The following KLF17 variants were observed in gnomAD, a reference collection of about 807,000 sequenced individuals.
KLF17 encodes KLF transcription factor 17.
In KLF17, 31 loss-of-function variants were observed where a neutral mutation model predicts 34.2. The observed-to-expected ratio is 0.91, with a 90% CI of 0.68 to 1.22. The LOEUF (loss-of-function observed/expected upper bound fraction) is 1.22, where lower values mean the gene tolerates loss of function less well. KLF17 is among the 50% of genes most tolerant of loss of function. The pLI is 0.00. For synonymous variants in KLF17, 179 were observed against 186.7 expected (o/e 0.96, Z 0.34); for missense variants, 478 against 505.2 (o/e 0.95, Z 0.52).
At chr1:44,065,475 T>C in the KLF17 span, among the ~76,000 whole-genome samples, 1 of 148,386 alleles carries the variant, frequency 6.7e-6, no homozygotes, top group Admixed American at 6.8e-5. Flanking sequence ...AGTGGTGTGA[T>C]GTAGGCTCAT....
At chr1:44,095,648 A>G in the KLF17 span, among the ~76,000 whole-genome samples, 2 of 152,230 alleles carry the variant, frequency 1.3e-5, no homozygotes, top group African/African-American at 4.8e-5. Flanking sequence ...CCAATCCATG[A>G]ACATGGAATA....
chr1:44,113,421 T>A, the KLF17 span, among the ~76,000 whole-genome samples: 1 of 152,198 alleles, frequency 6.6e-6, no homozygotes, highest in Non-Finnish European at 1.5e-5. Context: ...TAACTACAGT[T>A]ACTGATGTAG....
At chr1:44,091,635 CAAAAA>C in the KLF17 span, among the ~76,000 whole-genome samples, 1 of 79,034 alleles carries the variant, frequency 1.3e-5, no homozygotes. Flanking sequence ...GACTCCATCT[CAAAAA>C]AAAAAAAAAA....
the KLF17 span, among the ~76,000 whole-genome samples, chr1:44,089,465 T>C: frequency 6.6e-6 from 1 of 152,172 alleles, no homozygotes; most frequent in East Asian, 1.9e-4. Flanking sequence ...CAGCTACGGA[T>C]TGCTGGGAAG....
chr1:44,112,514 T>A, the KLF17 span, among the ~76,000 whole-genome samples: 2 of 152,188 alleles, frequency 1.3e-5, no homozygotes, highest in Non-Finnish European at 2.9e-5. Context: ...CAAGCAATCC[T>A]CCCACCTTAG....
the KLF17 span, among the ~76,000 whole-genome samples, chr1:44,082,202 G>C: frequency 2.0e-5 from 3 of 152,124 alleles, no homozygotes; most frequent in Admixed American, 2.0e-4. Flanking sequence ...GATGAAATAA[G>C]TCCCAGTAAA....
chr1:44,126,960 ATCAC>A (rs2088014851), intron 1 of KLF17, among the ~76,000 whole-genome samples: 2 of 151,892 alleles, frequency 1.3e-5, no homozygotes, highest in Admixed American at 1.3e-4. Context: ...CAGTGATGCG[ATCAC>A]AGCTCGCTGC....
the KLF17 span, among the ~76,000 whole-genome samples, chr1:44,087,727 TATATA>T: frequency 1.6e-4 from 9 of 55,874 alleles, no homozygotes; most frequent in Non-Finnish European, 2.4e-4. Context: ...ATATATTTTA[TATATA>T]TATATATATA....
chr1:44,100,916 G>T, the KLF17 span, among the ~76,000 whole-genome samples: 1 of 152,144 alleles, frequency 6.6e-6, no homozygotes, highest in Non-Finnish European at 1.5e-5. Flanking sequence ...TTTTTAGGTT[G>T]ATATCTAACA....
At chr1:44,132,338 G>A (rs2088121537) in intron 3 of KLF17, among the ~76,000 whole-genome samples, 1 of 151,914 alleles carries the variant, frequency 6.6e-6, no homozygotes, top group African/African-American at 2.4e-5. Flanking sequence ...AGTGGAAAAT[G>A]GGAGATAGGT....
chr1:44,121,393 G>A (rs572007030), intron 1 of KLF17, among the ~76,000 whole-genome samples: 1 of 152,192 alleles, frequency 6.6e-6, no homozygotes, highest in Admixed American at 6.5e-5. Flanking sequence ...GGGATTACAG[G>A]CATGAGCCGC....
intron 1 of KLF17, among the ~76,000 whole-genome samples, chr1:44,121,671 T>C (rs892598445): frequency 2.6e-5 from 4 of 152,244 alleles, no homozygotes; most frequent in Non-Finnish European, 4.4e-5. Flanking sequence ...TGATAACATT[T>C]AGCTTTATCT....
chr1:44,128,566 C>G (rs2088056858), intron 1 of KLF17, among the ~76,000 whole-genome samples: 1 of 152,142 alleles, frequency 6.6e-6, no homozygotes, highest in Non-Finnish European at 1.5e-5. Context: ...CAGGCAGTTC[C>G]CACTCAGGGC....
the KLF17 span, among the ~76,000 whole-genome samples, chr1:44,092,835 A>T: frequency 6.6e-6 from 1 of 152,092 alleles, no homozygotes. Context: ...ATGTTACAAA[A>T]TTATACTTGT....
At chr1:44,121,102 T>A (rs1245060296) in intron 1 of KLF17, among the ~76,000 whole-genome samples, 1 of 152,168 alleles carries the variant, frequency 6.6e-6, no homozygotes, top group Non-Finnish European at 1.5e-5. Flanking sequence ...ATCAAACGTA[T>A]CAAAATTGTA....
At chr1:44,124,858 C>T (rs112443526) in intron 1 of KLF17, among the ~76,000 whole-genome samples, 7,861 of 152,096 alleles carry the variant, frequency 0.052, 655 homozygotes, top group African/African-American at 0.18. Context: ...ATTTGACATC[C>T]TAGTTTATAA....
chr1:44,079,860 G>C, the KLF17 span, among the ~76,000 whole-genome samples: 1 of 151,850 alleles, frequency 6.6e-6, no homozygotes. Context: ...ATATATGCTT[G>C]GGTCCATTTC....
the KLF17 span, among the ~76,000 whole-genome samples, chr1:44,058,459 T>G: frequency 5.0e-4 from 76 of 151,776 alleles, no homozygotes; most frequent in Non-Finnish European, 9.9e-4. Flanking sequence ...CCCGGCTAAT[T>G]TTTGTATTTT....
the KLF17 span, among the ~76,000 whole-genome samples, chr1:44,111,874 C>T: frequency 1.6e-4 from 24 of 152,192 alleles, no homozygotes; most frequent in African/African-American, 2.4e-4. Context: ...GCCTGGGCGA[C>T]GCAGCAAGAC....
Sources: gnomAD v4.1 joint callset for allele counts (sites outside exome capture counted in the v4.1 genomes callset) on GRCh38, gnomAD v4.1.1 for gene constraint, MANE v1.5 for transcripts, NCBI Gene and HGNC (gene_info 2026-07-23, HGNC 2026-07-21) for gene names.